XKR9: variants seen among roughly 807,000 people sequenced by gnomAD.
The protein encoded by XKR9 is XK related 9.
A neutral mutation model predicts 32.0 loss-of-function variants in XKR9; 32 were observed. The observed-to-expected ratio is 1.00, with a 90% CI of 0.76 to 1.34. The LOEUF (loss-of-function observed/expected upper bound fraction) is 1.34. XKR9 is among the 40% of genes most tolerant of loss of function. The pLI is 0.00. For missense variants in XKR9, 546 were observed against 429.7 expected, an observed-to-expected ratio of 1.27 and a Z score of -2.39; for synonymous variants, 168 against 143.4, an observed-to-expected ratio of 1.17 and a Z score of -1.22.
At chr8:70,919,167 A>G in the XKR9 span, among the ~76,000 whole-genome samples, 15 of 152,152 alleles carry the variant, frequency 9.9e-5, no homozygotes, top group Admixed American at 7.9e-4. Context: ...TCTGCAATTC[A>G]TAGTCTGTCT....
intron 2 of XKR9, among the ~76,000 whole-genome samples, chr8:70,750,188 G>A (rs567590274): frequency 6.6e-5 from 10 of 152,304 alleles, no homozygotes; most frequent in African/African-American, 2.2e-4. Flanking sequence ...GTGTCTGGCA[G>A]TGTGTCTTGC....
chr8:70,701,866 C>T (rs186104575), intron 3 of XKR9, among the ~76,000 whole-genome samples: 4 of 152,132 alleles, frequency 2.6e-5, no homozygotes, highest in Admixed American at 2.0e-4. Context: ...GACAGTTTTG[C>T]ATTTCTATTT....
chr8:70,679,121 G>C (rs986303263), intron 2 of XKR9, among the ~76,000 whole-genome samples: 5 of 152,094 alleles, frequency 3.3e-5, no homozygotes, highest in Admixed American at 6.5e-5. Context: ...TTTCTCTGGT[G>C]TTGCTTCCTC....
the XKR9 span, among the ~76,000 whole-genome samples, chr8:70,843,353 A>C: frequency 6.6e-6 from 1 of 152,324 alleles, no homozygotes; most frequent in African/African-American, 2.4e-5. Flanking sequence ...TGTTATCATT[A>C]TTTGTATTTC....
At chr8:70,750,164 T>G (rs911810593) in intron 2 of XKR9, among the ~76,000 whole-genome samples, 35 of 152,198 alleles carry the variant, frequency 2.3e-4, no homozygotes, top group African/African-American at 8.4e-4. Flanking sequence ...TGGTTTTATT[T>G]ATAGTTTTGT....
the XKR9 span, among the ~76,000 whole-genome samples, chr8:70,884,376 A>T: frequency 6.6e-6 from 1 of 152,130 alleles, no homozygotes; most frequent in Non-Finnish European, 1.5e-5. Flanking sequence ...TTGAACATTA[A>T]TGAAGTCCAA....
intron 3 of XKR9, among the ~76,000 whole-genome samples, chr8:70,684,306 C>T (rs1285115695): frequency 6.6e-6 from 1 of 152,084 alleles, no homozygotes; most frequent in Non-Finnish European, 1.5e-5. Context: ...CACGTTCTCA[C>T]TGTGTTTAAC....
chr8:70,902,833 C>G, the XKR9 span, among the ~76,000 whole-genome samples: 2 of 152,152 alleles, frequency 1.3e-5, no homozygotes, highest in Admixed American at 6.5e-5. Flanking sequence ...GAGTTTTTAG[C>G]ATGAAGCGCT....
chr8:71,054,569 C>A, the XKR9 span, among the ~76,000 whole-genome samples: 1 of 152,138 alleles, frequency 6.6e-6, no homozygotes, highest in African/African-American at 2.4e-5. Context: ...TGTCAATGCC[C>A]CCAGATGTGT....
the XKR9 span, among the ~76,000 whole-genome samples, chr8:70,881,883 A>G: frequency 6.6e-6 from 1 of 152,266 alleles, no homozygotes; most frequent in Non-Finnish European, 1.5e-5. Flanking sequence ...CATCAATGAT[A>G]GACTTGATTA....
chr8:70,733,779 A>AT lies in XKR9; in HGVS notation c.494-10dup, dbSNP rs1177125207. The AT allele has an allele frequency of 4.0e-6, 6 of 1,509,682 alleles. No individual in the cohort carries two copies. Among genetic ancestry groups the AT allele is most frequent in the African/African-American group, 1.4e-5 (1 of 71,214 alleles). The allele number at this position is 1,509,682 out of a possible 1,614,324, so 93.5% of individuals were successfully genotyped here. ...TTATTCCTATAACAATATATTTTTT[A>AT]TTTTTTTGTTTTGTAGATGCGGCCA... On this transcript the variant is annotated splice_polypyrimidine_tract_variant and intron_variant, in intron 4 of 4. Transcript: ENST00000408926.
the XKR9 span, among the ~76,000 whole-genome samples, chr8:70,817,911 T>A: frequency 6.6e-6 from 1 of 152,224 alleles, no homozygotes; most frequent in Non-Finnish European, 1.5e-5. Flanking sequence ...GCTAGCCATA[T>A]GCAGAAGAAT....
the XKR9 span, among the ~76,000 whole-genome samples, chr8:70,874,377 T>A: frequency 6.6e-6 from 1 of 152,198 alleles, no homozygotes; most frequent in Non-Finnish European, 1.5e-5. Flanking sequence ...TAGATCCCTA[T>A]GAAGGAGGAA....
Position 70,685,200 on chromosome 8 carries a change from A to G in XKR9, c.272+3870A>G, listed in dbSNP as rs546529408. Among the ~76,000 whole-genome samples, 7 of 151,772 alleles carry G rather than the reference A, an allele frequency of 4.6e-5. No individual in the cohort carries two copies. In the East Asian group the frequency reaches 9.7e-4, roughly 21 times the overall value. On this transcript the variant is annotated intron_variant, in intron 3 of 4. Coordinates refer to ENST00000408926, the MANE Select transcript of XKR9 (RefSeq NM_001011720.2). The stretch of plus-strand genomic sequence containing the variant: ...AAGAGTTCATGTCCTTTGTAGGGAC[A>G]TGGGTGAAATTGGAAATCATCATTC...
intron 1 of XKR9, among the ~76,000 whole-genome samples, chr8:70,670,169 T>A (rs1230860747): frequency 6.6e-6 from 1 of 152,160 alleles, no homozygotes; most frequent in African/African-American, 2.4e-5. Context: ...GCGGCCTTGC[T>A]CCTACCTGCC....
At chr8:70,962,518 C>T in the XKR9 span, among the ~76,000 whole-genome samples, 31 of 152,162 alleles carry the variant, frequency 2.0e-4, no homozygotes, top group African/African-American at 7.0e-4. Flanking sequence ...ACTGCATTCA[C>T]GCTGCTGCAA....
the XKR9 span, among the ~76,000 whole-genome samples, chr8:70,886,661 CAT>C: frequency 7.2e-6 from 1 of 139,506 alleles, no homozygotes; most frequent in African/African-American, 2.5e-5. Context: ...CTTTTTTTTT[CAT>C]ATGTTTATTG....
the XKR9 span, among the ~76,000 whole-genome samples, chr8:70,893,279 T>C: frequency 6.6e-6 from 1 of 152,370 alleles, no homozygotes; most frequent in African/African-American, 2.4e-5. Flanking sequence ...TGTATTTTCT[T>C]ATATTTCATT....
chr8:70,934,599 C>A, the XKR9 span, among the ~76,000 whole-genome samples: 1 of 152,002 alleles, frequency 6.6e-6, no homozygotes, highest in Non-Finnish European at 1.5e-5. Context: ...CCAAACAACA[C>A]AATAAAGTTT....
Sources: allele counts gnomAD v4.1 joint callset (sites outside exome capture counted in the v4.1 genomes callset), GRCh38; gene constraint gnomAD v4.1.1; transcripts MANE v1.5; gene names NCBI Gene and HGNC (gene_info 2026-07-23, HGNC 2026-07-21).